CYB5RL: variants seen among roughly 807,000 people sequenced by gnomAD.
CYB5RL encodes the protein cytochrome b5 reductase like.
Under a neutral mutation model 37.5 loss-of-function variants are expected in CYB5RL, and 38 were observed. That is an observed-to-expected ratio of 1.01 (90% CI 0.78 to 1.33). The LOEUF is 1.33. Ranked by LOEUF, CYB5RL falls within the 40% of genes most tolerant of loss-of-function variation. The pLI is 0.00. For missense variants in CYB5RL, 388 were observed against 394.4 expected (o/e 0.98, Z 0.14); for synonymous variants, 141 against 151.9 (o/e 0.93, Z 0.53).
rs748829004 is a variant in CYB5RL at position 54,195,452 on chromosome 1, C to G, written c.165G>C (p.Lys55Asn). The stretch of plus-strand genomic sequence containing the variant: ...CTGGCCCACGCAGCAGGCTCCTGTC[C>G]TTGCTGGCTTGGGCTGCCTCCCACC... ...LARWEAAQAS[K>N]DRSLLRGPES... The change falls in exon 3 of 8, where the codon AAG (lysine) becomes AAC (asparagine). Residue 55 changes from lysine to asparagine, a missense_variant. Physicochemically the swap from Lys to Asn is moderately conservative, Grantham distance 94. Transcript: ENST00000534324. 154 of 1,610,634 alleles carry G rather than the reference C, an allele frequency of 9.6e-5. No homozygotes were observed. The highest frequency in any genetic ancestry group is 1.3e-4 in the Non-Finnish European group (150 of 1,177,898).
chr1:54,184,353 T>C, intron 5 of CYB5RL, 88 bp from the exon 6 acceptor site: 2 of 1,084,188 alleles, frequency 1.8e-6, no homozygotes, highest in Non-Finnish European at 2.7e-6. Flanking sequence ...GCCCGTTCTG[T>C]ATGCTAAGTG....
chr1:54,173,370 G>C lies in CYB5RL; in HGVS notation c.*1249C>G, dbSNP rs928822072. The C allele has an allele frequency of 1.3e-5, 2 of 152,212 alleles. No homozygotes were observed. The highest frequency in any genetic ancestry group is 2.4e-5 in the African/African-American group (1 of 41,456). 9.4% of individuals were successfully genotyped at this position (152,212 alleles called of 1,614,324 possible). A position where few individuals can be genotyped will look rare whatever the true frequency, so the allele number is the denominator to read the frequency against. On this transcript the variant is annotated 3_prime_UTR_variant, in exon 8 of 8. Coordinates refer to ENST00000534324, the MANE Select transcript of CYB5RL (RefSeq NM_001031672.4). The stretch of plus-strand genomic sequence containing the variant: ...GGAGCTGTCCTTTCACTGCTGCTAT[G>C]CAAAGAACCCTTGCTTCCTGTAGAG...
chr1:54,198,274 G>C (rs1183495365), intron 1 of CYB5RL, among the ~76,000 whole-genome samples: 1 of 151,504 alleles, frequency 6.6e-6, no homozygotes, highest in Non-Finnish European at 1.5e-5. Context: ...TATGGACCAG[G>C]TATGCATTAT....
chr1:54,189,517 G>C (rs2100475850), intron 4 of CYB5RL, among the ~76,000 whole-genome samples: 1 of 152,294 alleles, frequency 6.6e-6, no homozygotes, highest in South Asian at 2.1e-4. Context: ...CCTTGGGTTA[G>C]GACATCATTA....
chr1:54,174,881 C>T (rs560717501), intron 7 of CYB5RL, 59 bp from the exon 8 acceptor site: 1 of 1,548,522 alleles, frequency 6.5e-7, no homozygotes, highest in African/African-American at 1.4e-5. Flanking sequence ...TTAGTGTTCA[C>T]ACAGCCAGCT....
chr1:54,187,191 A>G (rs2100471984), intron 5 of CYB5RL, among the ~76,000 whole-genome samples: 1 of 152,076 alleles, frequency 6.6e-6, no homozygotes, highest in East Asian at 1.9e-4. Context: ...ATATCTGCCA[A>G]TTCCTCCATC....
intron 6 of CYB5RL, among the ~76,000 whole-genome samples, chr1:54,183,701 C>T (rs901401571): frequency 8.5e-5 from 13 of 152,244 alleles, no homozygotes; most frequent in East Asian, 5.8e-4. Context: ...TCTGGCTGGG[C>T]GCGGTGGCTC....
intron 3 of CYB5RL, among the ~76,000 whole-genome samples, chr1:54,191,657 C>T (rs1643955354): frequency 6.6e-6 from 1 of 152,208 alleles, no homozygotes; most frequent in Non-Finnish European, 1.5e-5. Flanking sequence ...GGGCCTGCAC[C>T]ATCCTGCAGC....
At chr1:54,190,954 C>G (rs1643946457) in intron 3 of CYB5RL, 58 bp from the exon 4 acceptor site, 1 of 1,570,812 alleles carries the variant, frequency 6.4e-7, no homozygotes, top group Non-Finnish European at 8.6e-7. Context: ...ACACAGGCAT[C>G]CATAGCATCC....
chr1:54,191,376 T>TA (rs1643952416), intron 3 of CYB5RL, among the ~76,000 whole-genome samples: 1 of 152,214 alleles, frequency 6.6e-6, no homozygotes, highest in Non-Finnish European at 1.5e-5. Context: ...GCATAATTTA[T>TA]AAGTTGATGG....
chr1:54,195,798 T>G, intron 2 of CYB5RL, 83 bp from the exon 3 acceptor site: 1 of 586,488 alleles, frequency 1.7e-6, no homozygotes, highest in Non-Finnish European at 2.8e-6. Flanking sequence ...CCAGGCTCTG[T>G]GCAAGCACTG....
chr1:54,179,247 C>G lies in CYB5RL; in HGVS notation c.646G>C (p.Val216Leu), dbSNP rs1284830639. The change falls in exon 7 of 8, where the codon GTC (valine) becomes CTC (leucine). Residue 216 changes from valine to leucine, a missense_variant. Val to Leu is a conservative substitution (Grantham distance 32). Coordinates refer to ENST00000534324, the MANE Select transcript of CYB5RL (RefSeq NM_001031672.4). ...CTCTCAAAGGTCTTGAAGCAACCGACCAGAGTGACAAAAGTCTCGTCATTC... is the reference window on the plus strand; with the variant it reads ...CTCTCAAAGGTCTTGAAGCAACCGAGCAGAGTGACAAAAGTCTCGTCATTC... ...NENDETFVTL[V>L]GCFKTFESIY... The G allele has an allele frequency of 5.6e-6, 9 of 1,613,726 alleles. No individual in the cohort carries two copies. The highest frequency in any genetic ancestry group is 5.9e-6 in the Non-Finnish European group (7 of 1,179,864).
chr1:54,187,112 TC>T (rs1381033847), intron 5 of CYB5RL, among the ~76,000 whole-genome samples: 1 of 152,016 alleles, frequency 6.6e-6, no homozygotes, highest in African/African-American at 2.4e-5. Flanking sequence ...CTCCACAACT[TC>T]TTATATATTT....
intron 1 of CYB5RL, among the ~76,000 whole-genome samples, chr1:54,198,914 G>A (rs973705049): frequency 2.0e-5 from 3 of 152,138 alleles, no homozygotes; most frequent in Non-Finnish European, 4.4e-5. Flanking sequence ...GGGATTACAG[G>A]TGTGAACGAT....
intron 6 of CYB5RL, among the ~76,000 whole-genome samples, chr1:54,183,670 G>A (rs1027947261): frequency 2.6e-5 from 4 of 152,146 alleles, no homozygotes. Flanking sequence ...TGGGCAGGCA[G>A]TTTCATTTAT....
In CYB5RL at chr1:54,179,267, T is replaced by C. The variant is rs1660097521; in HGVS notation, c.626A>G (p.Asp209Gly). 1.9e-6 allele frequency: 3 copies of C among 1,613,906 alleles called. No homozygotes were observed. The highest frequency in any genetic ancestry group is 2.5e-6 in the Non-Finnish European group (3 of 1,179,858). Residue 209 changes from aspartate (D) to glycine (G), a missense_variant, in exon 7 of 8, where the codon GAC becomes GGC. By Grantham distance (94) the Asp-to-Gly change is moderately conservative. Coordinates refer to ENST00000534324, the MANE Select transcript of CYB5RL (RefSeq NM_001031672.4). Reference protein sequence around the residue: ...ILQSITDNENDETFVTLVGCF... With the variant: ...ILQSITDNENGETFVTLVGCF... ...ACCGACCAGAGTGACAAAAGTCTCGTCATTCTCATTGTCTGTGATGCTCTG... is the reference window on the plus strand; with the variant it reads ...ACCGACCAGAGTGACAAAAGTCTCGCCATTCTCATTGTCTGTGATGCTCTG...
In CYB5RL at chr1:54,195,410, C is replaced by A; in HGVS notation, c.198+9G>T. The stretch of plus-strand genomic sequence containing the variant: ...CCTGGTGCTCATATCGAGAAGCAGC[C>A]TCTCTCACCTGTGACTCTGGCCCAC... On this transcript the variant is annotated intron_variant, in intron 3 of 7. Coordinates refer to ENST00000534324, the MANE Select transcript of CYB5RL (RefSeq NM_001031672.4). 1 of 1,569,562 alleles carries A rather than the reference C, an allele frequency of 6.4e-7. No homozygotes were observed. The highest frequency in any genetic ancestry group is 8.7e-7 in the Non-Finnish European group (1 of 1,152,394).
At position 54,171,491 on chromosome 1, in the gene CYB5RL, C is replaced by T. The variant is rs1421956110; in HGVS notation, c.*3128G>A. ...ACCCATGAGGGGAACACAGAAGTGA[C>T]GTTGGTAAACATGGTGAGGGCTGAA... On this transcript the variant is annotated 3_prime_UTR_variant, in exon 8 of 8. Transcript: ENST00000534324. 9 of 451,682 alleles carry T rather than the reference C, an allele frequency of 2.0e-5. No individual in the cohort carries two copies. The highest frequency in any genetic ancestry group is 9.4e-5 in the Admixed American group (4 of 42,488). 28.0% of individuals were successfully genotyped at this position (451,682 alleles called of 1,614,324 possible).
At chr1:54,183,242 G>A (rs936596911) in intron 6 of CYB5RL, among the ~76,000 whole-genome samples, 1 of 152,158 alleles carries the variant, frequency 6.6e-6, no homozygotes, top group Non-Finnish European at 1.5e-5. Flanking sequence ...TTCCCCTGCT[G>A]TTGGATATTC....
Sources: gnomAD v4.1 joint callset for allele counts (sites outside exome capture counted in the v4.1 genomes callset) on GRCh38, gnomAD v4.1.1 for gene constraint, MANE v1.5 for transcripts, NCBI Gene and HGNC (gene_info 2026-07-23, HGNC 2026-07-21) for gene names.